The following SYNE1 variants were observed in gnomAD, a reference collection of about 807,000 sequenced individuals.
The protein encoded by SYNE1 is nesprin-1.
A neutral mutation model predicts 1,111.0 loss-of-function variants in SYNE1; 616 were observed. The ratio of observed to expected loss-of-function variants is 0.55; its 90% CI spans 0.52 to 0.59. The LOEUF is 0.59. Among genes scored for constraint, SYNE1 ranks in the 20% least tolerant of loss-of-function variants. The pLI is 0.00. For synonymous variants in SYNE1, 3,855 were observed against 3,825.8 expected (o/e 1.01, Z -0.28); for missense variants, 10,006 against 10,417.0 (o/e 0.96, Z 1.72).
chr6:152,334,133 A>C lies in SYNE1; in HGVS notation c.12669T>G (p.Arg4223=). ...TTTGCAAGCACAGGTTGTTAGACTG[A>C]CGGCACAAATCGAGCCACTGATCAT... ...HLNDQWLDLC[R]QSNNLCLQRE... is the part of the protein sequence containing the mutation. Residue 4223 remains arginine (R), a synonymous_variant, in exon 77 of 146, where the codon CGT becomes CGG. Coordinates refer to ENST00000367255, the MANE Select transcript of SYNE1 (RefSeq NM_182961.4). The C allele has an allele frequency of 6.2e-7, 1 of 1,614,138 alleles. No individual in the cohort carries two copies. Among genetic ancestry groups the C allele is most frequent in the Non-Finnish European group, 8.5e-7 (1 of 1,180,030 alleles).
intron 128 of SYNE1, among the ~76,000 whole-genome samples, chr6:152,181,051 C>T (rs1400414214): frequency 1.4e-5 from 2 of 143,194 alleles, no homozygotes; most frequent in Non-Finnish European, 3.0e-5. Context: ...GAATCACCAC[C>T]ATCATCAATT....
At chr6:152,333,975 C>T in intron 77 of SYNE1, 33 bp downstream of exon 77, 2 of 1,614,008 alleles carry the variant, frequency 1.2e-6, no homozygotes, top group Non-Finnish European at 1.7e-6. Context: ...TCTGGCTTAG[C>T]ATTTTGGTGA....
intron 11 of SYNE1, among the ~76,000 whole-genome samples, chr6:152,497,979 C>T (rs2099008916): frequency 6.6e-6 from 1 of 152,120 alleles, no homozygotes; most frequent in African/African-American, 2.4e-5. Context: ...AACACAGACA[C>T]ATAAGTCACA....
intron 145 of SYNE1, among the ~76,000 whole-genome samples, chr6:152,123,212 A>G (rs2052036018): frequency 6.6e-6 from 1 of 152,232 alleles, no homozygotes; most frequent in Non-Finnish European, 1.5e-5. Context: ...TTCATTAATC[A>G]TAGAGCATAC....
intron 5 of SYNE1, among the ~76,000 whole-genome samples, chr6:152,525,628 CA>C (rs1410873842): frequency 1.3e-5 from 2 of 152,098 alleles, no homozygotes; most frequent in African/African-American, 4.8e-5. Flanking sequence ...TGGATGATGT[CA>C]ACAAGAATAT....
At chr6:152,360,729 T>C (rs552927454) in intron 64 of SYNE1, among the ~76,000 whole-genome samples, 1 of 152,322 alleles carries the variant, frequency 6.6e-6, no homozygotes, top group South Asian at 2.1e-4. Context: ...ATTAAGCAAT[T>C]AATTATTATA....
At chr6:152,139,841 C>G (rs966638713) in intron 140 of SYNE1, 109 bp downstream of exon 140, 3 of 1,152,596 alleles carry the variant, frequency 2.6e-6, no homozygotes, top group South Asian at 2.6e-5. Flanking sequence ...TTGTTAGATC[C>G]CTTTTCTGCT....
intron 125 of SYNE1, 53 bp from the exon 126 acceptor site, chr6:152,206,415 T>C (rs2076520920): frequency 1.2e-6 from 2 of 1,602,344 alleles, no homozygotes; most frequent in Middle Eastern, 2.1e-4. Context: ...ATCGTTTCCT[T>C]CCCATAAGGA....
rs1391275403 is a variant in SYNE1 at position 152,436,074 on chromosome 6, C to T, written c.4177G>A (p.Ala1393Thr). 2 of 1,613,948 alleles carry T rather than the reference C, an allele frequency of 1.2e-6. No homozygotes were observed. Among genetic ancestry groups the T allele is most frequent in the South Asian group, 2.2e-5 (2 of 91,040 alleles). Residue 1393 changes from alanine (A) to threonine (T), a missense_variant, in exon 33 of 146, where the codon GCA (alanine) becomes ACA (threonine). This residue lies in a region of SYNE1 where 1,971 missense variants were observed against 2,084.1 expected (regional missense o/e 0.95). Transcript: ENST00000367255. ...KEFSKRTESI[A>T]VQAENLVKEA... ...TTTACAAGGTTCTCAGCCTGGACTG[C>T]AATACTTTCTGTCCGTTTAGAAAAC... is the stretch of plus-strand genomic sequence containing the variant.
chr6:152,288,968 G>C (rs957071737), intron 95 of SYNE1, among the ~76,000 whole-genome samples: 20 of 152,300 alleles, frequency 1.3e-4, no homozygotes, highest in African/African-American at 4.1e-4. Flanking sequence ...CCAGGCTCAG[G>C]GGGGGCGTGA....
intron 14 of SYNE1, among the ~76,000 whole-genome samples, chr6:152,474,889 A>C (rs1036550097): frequency 2.6e-5 from 4 of 152,204 alleles, no homozygotes; most frequent in Admixed American, 1.3e-4. Flanking sequence ...CAAAAAGCAA[A>C]ACCTCCTTAA....
Position 152,206,347 on chromosome 6 carries a change from A to G in SYNE1, c.22840T>C (p.Phe7614Leu). The G allele has an allele frequency of 6.2e-7, 1 of 1,613,838 alleles. No homozygotes were observed. Among genetic ancestry groups the G allele is most frequent in the Non-Finnish European group, 8.5e-7 (1 of 1,179,942 alleles). Reference sequence around the variant, plus strand: ...ATGTAGCTGCCTTGTTGCCGCAGAAACACTTTTTCTTTGAACTGAAAGGAA... The same window carrying G: ...ATGTAGCTGCCTTGTTGCCGCAGAAGCACTTTTTCTTTGAACTGAAAGGAA... ...FDEVQFKEKV[F>L]LRQQGSYILT... Residue 7614 changes from phenylalanine (F) to leucine (L), a missense_variant, in exon 126 of 146, where the codon TTT becomes CTT. Coordinates refer to ENST00000367255, the MANE Select transcript of SYNE1 (RefSeq NM_182961.4).
At position 152,330,783 on chromosome 6, in the gene SYNE1, A is replaced by G. The variant is rs531814917; in HGVS notation, c.13902T>C (p.Asn4634=). The G allele has an allele frequency of 6.2e-6, 10 of 1,613,848 alleles. No homozygotes were observed. In the African/African-American group the frequency reaches 8.0e-5, roughly 13 times the overall value. ...RTGQTILPSL[N]EVDHSYLSEK... ...CACTGAGGTAGGAATGATCGACTTC[A>G]TTCAGCGATGGTAATATGGTCTGCC... Residue 4634 remains asparagine (N), a synonymous_variant, in exon 78 of 146, where the codon AAT becomes AAC. Coordinates refer to ENST00000367255, the MANE Select transcript of SYNE1 (RefSeq NM_182961.4).
At chr6:152,362,077 G>T in intron 64 of SYNE1, 93 bp downstream of exon 64, 1 of 1,560,918 alleles carries the variant, frequency 6.4e-7, no homozygotes, top group Non-Finnish European at 8.8e-7. Flanking sequence ...TATGTGCACT[G>T]CCCTAGGGTA....
chr6:152,473,832 A>C (rs1391730114), intron 14 of SYNE1, among the ~76,000 whole-genome samples: 2 of 152,186 alleles, frequency 1.3e-5, no homozygotes, highest in Admixed American at 6.5e-5. Flanking sequence ...TTAAGTATCT[A>C]CTATATTGAA....
intron 65 of SYNE1, 127 bp downstream of exon 65, chr6:152,359,186 TAA>T (rs1302229921): frequency 2.2e-5 from 30 of 1,351,174 alleles, no homozygotes; most frequent in Non-Finnish European, 2.7e-5. Flanking sequence ...TTTAAAATAT[TAA>T]AAATTCATTT....
chr6:152,428,737 G>A (rs2098399341), intron 36 of SYNE1, among the ~76,000 whole-genome samples: 1 of 151,966 alleles, frequency 6.6e-6, no homozygotes. Flanking sequence ...ATTATCACAT[G>A]TGCACCCCCA....
chr6:152,503,225 C>G (rs1305627609), intron 9 of SYNE1, among the ~76,000 whole-genome samples: 1 of 151,516 alleles, frequency 6.6e-6, no homozygotes, highest in African/African-American at 2.4e-5. Flanking sequence ...TATAGACAAG[C>G]CCCCTCTCTG....
At chr6:152,439,192 G>A (rs1277540344) in intron 32 of SYNE1, among the ~76,000 whole-genome samples, 6 of 152,148 alleles carry the variant, frequency 3.9e-5, no homozygotes, top group African/African-American at 1.4e-4. Flanking sequence ...GGACAAAGGA[G>A]AATTTGAATA....
Sources: gnomAD v4.1 joint callset for allele counts (sites outside exome capture counted in the v4.1 genomes callset) on GRCh38, gnomAD v4.1.1 for gene constraint, gnomAD v4.1.1 regional missense constraint, MANE v1.5 for transcripts, NCBI Gene and HGNC (gene_info 2026-07-23, HGNC 2026-07-21) for gene names.